ECPAS: variants seen among roughly 807,000 people sequenced by gnomAD.
The protein encoded by ECPAS is Ecm29 proteasome adaptor and scaffold, also known as proteasome adapter and scaffold protein ECM29.
Under a neutral mutation model 255.1 loss-of-function variants are expected in ECPAS, and 70 were observed. The ratio of observed to expected loss-of-function variants is 0.27; its 90% CI spans 0.23 to 0.33. ECPAS has a LOEUF of 0.33. Ranked by LOEUF, ECPAS falls within the 10% of genes least tolerant of loss-of-function variation. The pLI is 1.00. For synonymous variants in ECPAS, 784 were observed against 775.0 expected, an observed-to-expected ratio of 1.01 and a Z score of -0.19; for missense variants, 1,817 against 2,206.4, an observed-to-expected ratio of 0.82 and a Z score of 3.54.
chr9:111,412,048 A>G lies in ECPAS; in HGVS notation c.2180T>C (p.Ile727Thr). The G allele has an allele frequency of 6.3e-7, 1 of 1,586,460 alleles. No individual in the cohort carries two copies. The highest frequency in any genetic ancestry group is 1.2e-5 in the South Asian group (1 of 84,976). The change falls in exon 21 of 50, where the codon ATA becomes ACA. Residue 727 changes from isoleucine to threonine, a missense_variant. Transcript: ENST00000684092. ...TVSGNELKSM[I>T]EQLIKTTKDN... ...TTTTGTAGTCTTTATAAGCTGTTCT[A>G]TCATTGATTTCAACTCATTCCCCGA...
In ECPAS at chr9:111,451,445, G is replaced by C; in HGVS notation, c.133C>G (p.Gln45Glu). The change falls in exon 3 of 50, where the codon CAA (glutamine) becomes GAA (glutamate). Residue 45 changes from glutamine to glutamate, a missense_variant. Physicochemically the swap from Gln to Glu is conservative, Grantham distance 29. Coordinates refer to ENST00000684092, the MANE Select transcript of ECPAS (RefSeq NM_001364929.1). ...PPVLLKLSST[Q>E]EGVRKKVMEL... ...CTTACCTTTTTACGTACTCCTTCTT[G>C]GGTGCTAGAGAGTTTGAGCAAAACA... 1.3e-6 allele frequency: 2 copies of C among 1,572,340 alleles called. No homozygotes were observed. Among genetic ancestry groups the C allele is most frequent in the Non-Finnish European group, 1.7e-6 (2 of 1,158,462 alleles).
intron 32 of ECPAS, among the ~76,000 whole-genome samples, chr9:111,386,126 G>A (rs2098148031): frequency 6.6e-6 from 1 of 152,112 alleles, no homozygotes; most frequent in Admixed American, 6.5e-5. Context: ...ACTGGGCCCA[G>A]CTGATTTTTG....
At chr9:111,381,168 C>G (rs1406095615) in intron 35 of ECPAS, among the ~76,000 whole-genome samples, 1 of 152,212 alleles carries the variant, frequency 6.6e-6, no homozygotes, top group East Asian at 1.9e-4. Flanking sequence ...TCATTTCTAG[C>G]TTTCTATTTA....
intron 11 of ECPAS, 69 bp from the exon 12 acceptor site, chr9:111,425,565 A>G: frequency 8.4e-7 from 1 of 1,184,568 alleles, no homozygotes. Context: ...ACGGATGATT[A>G]CATAAAATAA....
chr9:111,435,402 T>C (rs899138318), intron 7 of ECPAS, among the ~76,000 whole-genome samples: 4 of 152,174 alleles, frequency 2.6e-5, no homozygotes, highest in Non-Finnish European at 5.9e-5. Flanking sequence ...CAGAGGCATA[T>C]TGGCAAATAA....
chr9:111,411,702 CAGATGAGATT>C lies in ECPAS; in HGVS notation c.2214+302_2214+311del, dbSNP rs2098194714. The C allele has an allele frequency of 6.2e-5, 14 of 226,366 alleles. No homozygotes were observed. In the South Asian group the frequency reaches 2.0e-3, roughly 33 times the overall value. The allele number at this position is 226,366 out of a possible 1,614,324, so 14.0% of individuals were successfully genotyped here. The stretch of plus-strand genomic sequence containing the variant: ...CCCGACCCTGCTTAGTTTCCAAGAT[CAGATGAGATT>C]AGGTGTGTTCACGGTGGTACGGCTG... On this transcript the variant is annotated intron_variant, in intron 21 of 49. Transcript: ENST00000684092.
At chr9:111,464,813 G>A (rs2098277405) in intron 2 of ECPAS, among the ~76,000 whole-genome samples, 1 of 152,098 alleles carries the variant, frequency 6.6e-6, no homozygotes, top group Non-Finnish European at 1.5e-5. Context: ...GAGGAAAAAA[G>A]GGAAGAAAAG....
At chr9:111,414,355 A>G (rs770590803) in intron 19 of ECPAS, 74 bp downstream of exon 19, 59 of 1,308,092 alleles carry the variant, frequency 4.5e-5, no homozygotes, top group Non-Finnish European at 6.1e-5. Context: ...TTTGCTATAA[A>G]TTCTTAGCAA....
chr9:111,365,438 G>C (rs2098119258), intron 48 of ECPAS: 1 of 153,316 alleles, frequency 6.5e-6, no homozygotes, highest in African/African-American at 2.4e-5. Context: ...GGCCAAGGCA[G>C]GTGGACTGCT....
chr9:111,471,834 G>A (rs1317316217), intron 2 of ECPAS, among the ~76,000 whole-genome samples: 1 of 152,148 alleles, frequency 6.6e-6, no homozygotes, highest in African/African-American at 2.4e-5. Flanking sequence ...TGGGCATGGT[G>A]GCTCACACCT....
At chr9:111,369,004 C>T (rs1442883305) in intron 46 of ECPAS, 31 bp downstream of exon 46, 3 of 1,518,636 alleles carry the variant, frequency 2.0e-6, no homozygotes, top group Admixed American at 2.4e-5. Flanking sequence ...CCTCTGGTTA[C>T]AGCACTTCAA....
At chr9:111,412,647 C>T (rs2098196489) in intron 20 of ECPAS, among the ~76,000 whole-genome samples, 1 of 151,990 alleles carries the variant, frequency 6.6e-6, no homozygotes, top group Non-Finnish European at 1.5e-5. Flanking sequence ...GGAGGCAGGC[C>T]CTATTTGGAC....
chr9:111,378,445 C>T, intron 36 of ECPAS, 135 bp downstream of exon 36: 2 of 857,220 alleles, frequency 2.3e-6, no homozygotes, highest in South Asian at 2.5e-5. Flanking sequence ...TCCAAAAAAA[C>T]AGTAAAACAC....
Position 111,363,570 on chromosome 9 carries a change from GAACT to G in ECPAS, c.5380+14_5380+17del, listed in dbSNP as rs1202564635. The G allele has an allele frequency of 2.0e-6, 3 of 1,500,148 alleles. No homozygotes were observed. The highest frequency in any genetic ancestry group is 1.7e-4 in the Middle Eastern group (1 of 5,824). 92.9% of individuals were successfully genotyped at this position (1,500,148 alleles called of 1,614,324 possible). On this transcript the variant is annotated intron_variant, in intron 49 of 49. Coordinates refer to ENST00000684092, the MANE Select transcript of ECPAS (RefSeq NM_001364929.1). ...ACATGGCTTTATGGTCCCCCAGTCA[GAACT>G]AACAACAACTTACCTTCAAGTTTTT...
chr9:111,373,393 A>C lies in ECPAS; in HGVS notation c.4191T>G (p.Ser1397Arg). 1 of 1,613,528 alleles carries C rather than the reference A, an allele frequency of 6.2e-7. No individual in the cohort carries two copies. Among genetic ancestry groups the C allele is most frequent in the Non-Finnish European group, 8.5e-7 (1 of 1,179,698 alleles). The part of the protein sequence containing the change: ...DLTPYSGKLM[S>R]ALLSGLTDRN... ...GATCTGTCAGGCCACTCAGCAAAGC[A>C]CTCATAAGTTTACCTACCAGAAATA... Residue 1397 changes from serine (S) to arginine (R), a missense_variant, in exon 40 of 50, where the codon AGT becomes AGG. This residue lies in a region of ECPAS where 960 missense variants were observed against 1,179.0 expected (regional missense o/e 0.81). Transcript: ENST00000684092.
intron 5 of ECPAS, among the ~76,000 whole-genome samples, chr9:111,441,252 C>T (rs2098245617): frequency 6.6e-6 from 1 of 151,506 alleles, no homozygotes; most frequent in Non-Finnish European, 1.5e-5. Context: ...ACCTGTAACC[C>T]CAGCACTTTG....
At chr9:111,423,711 T>G (rs1008851344) in intron 12 of ECPAS, among the ~76,000 whole-genome samples, 6 of 152,178 alleles carry the variant, frequency 3.9e-5, no homozygotes, top group African/African-American at 1.2e-4. Flanking sequence ...CTTCTAAAAA[T>G]CTACACTGTA....
intron 2 of ECPAS, among the ~76,000 whole-genome samples, chr9:111,462,977 C>T (rs951183844): frequency 1.3e-5 from 2 of 152,060 alleles, no homozygotes; most frequent in Admixed American, 1.3e-4. Flanking sequence ...CCTGACCTCA[C>T]TCAGGTGATC....
intron 8 of ECPAS, among the ~76,000 whole-genome samples, chr9:111,431,662 C>T (rs1211211220): frequency 6.6e-6 from 1 of 151,618 alleles, no homozygotes; most frequent in Non-Finnish European, 1.5e-5. Flanking sequence ...TCCTTCCTTT[C>T]ATTTGACTGG....
Sources: allele counts gnomAD v4.1 joint callset (sites outside exome capture counted in the v4.1 genomes callset), GRCh38; gene constraint gnomAD v4.1.1; regional missense constraint gnomAD v4.1.1; transcripts MANE v1.5; gene names NCBI Gene and HGNC (gene_info 2026-07-23, HGNC 2026-07-21).